SHISA9: variants seen among roughly 807,000 people sequenced by gnomAD.
SHISA9 encodes shisa family member 9.
A neutral mutation model predicts 38.0 loss-of-function variants in SHISA9; 13 were observed. That is an observed-to-expected ratio of 0.34 (90% CI 0.22 to 0.54). SHISA9 has a LOEUF of 0.54. Ranked by LOEUF, SHISA9 falls within the 20% of genes least tolerant of loss-of-function variation. SHISA9 has a pLI of 0.91. For missense variants in SHISA9, 538 were observed against 575.8 expected, an observed-to-expected ratio of 0.93 and a Z score of 0.67; for synonymous variants, 275 against 242.0, an observed-to-expected ratio of 1.14 and a Z score of -1.27.
At chr16:13,404,903 G>A in the SHISA9 span, among the ~76,000 whole-genome samples, 211 of 152,332 alleles carry the variant, frequency 1.4e-3, no homozygotes, top group African/African-American at 4.8e-3. Context: ...GGGACATCCT[G>A]AAAGAGATAG....
intron 2 of SHISA9, among the ~76,000 whole-genome samples, chr16:12,988,586 G>A (rs746480108): frequency 3.9e-5 from 6 of 152,180 alleles, no homozygotes; most frequent in South Asian, 2.1e-4. Context: ...GTGCAGTGGC[G>A]CGATTTCAGC....
At chr16:13,185,047 G>C (rs1284108017) in intron 2 of SHISA9, among the ~76,000 whole-genome samples, 2 of 152,150 alleles carry the variant, frequency 1.3e-5, no homozygotes, top group Middle Eastern at 3.2e-3. Context: ...ACAGCAAGGT[G>C]CAAGAGTTTC....
the SHISA9 span, among the ~76,000 whole-genome samples, chr16:13,287,348 T>G: frequency 1.3e-5 from 2 of 152,126 alleles, no homozygotes; most frequent in Non-Finnish European, 1.5e-5. Flanking sequence ...CATATGTCGC[T>G]TATGTGCGAA....
intron 2 of SHISA9, among the ~76,000 whole-genome samples, chr16:13,148,544 A>C (rs1001491972): frequency 1.3e-5 from 2 of 152,146 alleles, no homozygotes; most frequent in African/African-American, 4.8e-5. Context: ...AGCAAACCAC[A>C]GTCCACATTC....
chr16:13,060,218 C>T (rs767989573), intron 2 of SHISA9, among the ~76,000 whole-genome samples: 5 of 152,134 alleles, frequency 3.3e-5, no homozygotes, highest in Non-Finnish European at 2.9e-5. Flanking sequence ...GGAGGGACAG[C>T]GTTCCTGGGA....
chr16:13,312,382 T>C, the SHISA9 span, among the ~76,000 whole-genome samples: 1 of 152,198 alleles, frequency 6.6e-6, no homozygotes, highest in South Asian at 2.1e-4. Flanking sequence ...CAATTGAAAC[T>C]AATATAAACT....
At chr16:13,143,259 C>G (rs1173889612) in intron 2 of SHISA9, among the ~76,000 whole-genome samples, 1 of 152,118 alleles carries the variant, frequency 6.6e-6, no homozygotes, top group Non-Finnish European at 1.5e-5. Context: ...ATCAACCCTC[C>G]TTGGCCTCTC....
At chr16:13,125,826 T>C (rs929106663) in intron 2 of SHISA9, among the ~76,000 whole-genome samples, 4 of 152,182 alleles carry the variant, frequency 2.6e-5, no homozygotes, top group African/African-American at 9.7e-5. Flanking sequence ...AAGAAATATT[T>C]ATTTGTTTAT....
At chr16:13,143,006 T>TTTATG (rs1567226010) in intron 2 of SHISA9, among the ~76,000 whole-genome samples, 1 of 150,584 alleles carries the variant, frequency 6.6e-6, no homozygotes, top group Non-Finnish European at 1.5e-5. Flanking sequence ...TTTATTTTAT[T>TTTATG]TTATTTTATT....
At chr16:13,192,272 A>G (rs552218223) in intron 2 of SHISA9, among the ~76,000 whole-genome samples, 1 of 152,324 alleles carries the variant, frequency 6.6e-6, no homozygotes, top group South Asian at 2.1e-4. Context: ...CCTTTCAGGT[A>G]CAATGTTCAC....
At chr16:13,009,573 C>G (rs936873000) in intron 2 of SHISA9, among the ~76,000 whole-genome samples, 1 of 152,182 alleles carries the variant, frequency 6.6e-6, no homozygotes, top group East Asian at 1.9e-4. Flanking sequence ...CTCCGAGGAA[C>G]CTGGCTGCAG....
intron 2 of SHISA9, among the ~76,000 whole-genome samples, chr16:13,148,787 GCCTGAGGCCACACACAAT>G (rs1249355873): frequency 5.3e-5 from 8 of 150,266 alleles, no homozygotes; most frequent in Admixed American, 5.3e-4. Flanking sequence ...TTGAAAAATT[GCCTGAGGCCACACACAAT>G]CCTAGCCTAG....
the SHISA9 span, among the ~76,000 whole-genome samples, chr16:13,476,743 T>TG: frequency 9.3e-6 from 1 of 107,742 alleles, no homozygotes. Flanking sequence ...TTTGTGTTTT[T>TG]TTTTTTTTTT....
chr16:13,004,758 C>G (rs2072573665), intron 2 of SHISA9, among the ~76,000 whole-genome samples: 1 of 150,574 alleles, frequency 6.6e-6, no homozygotes, highest in Admixed American at 6.6e-5. Flanking sequence ...AACCCCATCT[C>G]TACTAAAAAT....
the SHISA9 span, among the ~76,000 whole-genome samples, chr16:13,360,109 A>G: frequency 6.6e-6 from 1 of 152,232 alleles, no homozygotes; most frequent in African/African-American, 2.4e-5. Context: ...TGTTACATCC[A>G]GTTCCTCTCT....
the SHISA9 span, among the ~76,000 whole-genome samples, chr16:13,453,827 C>G: frequency 6.6e-6 from 1 of 152,190 alleles, no homozygotes; most frequent in African/African-American, 2.4e-5. Flanking sequence ...GACTGCAGCT[C>G]ACCTCACTCC....
chr16:13,396,558 A>G, the SHISA9 span, among the ~76,000 whole-genome samples: 1 of 152,216 alleles, frequency 6.6e-6, no homozygotes, highest in Non-Finnish European at 1.5e-5. Context: ...TTTCTCTCAG[A>G]CAGACTAGAC....
At chr16:12,974,479 G>GTTTTT (rs58309847) in intron 2 of SHISA9, among the ~76,000 whole-genome samples, 2 of 91,766 alleles carry the variant, frequency 2.2e-5, no homozygotes, top group African/African-American at 4.3e-5. Flanking sequence ...ATTTCTGGTG[G>GTTTTT]TTTTTTTTTT....
At chr16:13,554,308 A>C in the SHISA9 span, among the ~76,000 whole-genome samples, 5 of 151,334 alleles carry the variant, frequency 3.3e-5, no homozygotes, top group Non-Finnish European at 5.9e-5. Context: ...AAAAAAAAAA[A>C]AAAACACCTT....
Sources: allele counts gnomAD v4.1 joint callset (sites outside exome capture counted in the v4.1 genomes callset), GRCh38; gene constraint gnomAD v4.1.1; transcripts MANE v1.5; gene names NCBI Gene and HGNC (gene_info 2026-07-23, HGNC 2026-07-21).